Variants in SOX12 observed in about 807,000 individuals in gnomAD.
SOX12 encodes transcription factor SOX-12.
In SOX12, 8 loss-of-function variants were observed where a neutral mutation model predicts 21.5. That is an observed-to-expected ratio of 0.37 (90% confidence interval 0.22 to 0.67). The LOEUF (loss-of-function observed/expected upper bound fraction) is 0.67, where lower values mean the gene tolerates loss of function less well. Ranked by LOEUF, SOX12 falls within the 30% of genes least tolerant of loss-of-function variation. The pLI, the probability that SOX12 is intolerant of heterozygous loss-of-function variation, is 0.56. For synonymous variants in SOX12, 235 were observed against 224.2 expected (o/e 1.05, Z -0.43); for missense variants, 400 against 482.6 (o/e 0.83, Z 1.60).
chr20:326,188 G>T lies in SOX12; in HGVS notation c.264G>T (p.Pro88=). The T allele has an allele frequency of 6.3e-7, 1 of 1,592,450 alleles. No homozygotes were observed. The highest frequency in any genetic ancestry group is 2.3e-5 in the East Asian group (1 of 42,560). The part of the protein sequence containing the change: ...WQLLQDSEKI[P]FVREAERLRL... ...TGCTGCAGGACTCGGAGAAGATCCC[G>T]TTCGTGCGGGAGGCGGAGCGGCTGC... Residue 88 remains proline (P), a synonymous_variant, in exon 1 of 1, where the codon CCG becomes CCT. Coordinates refer to ENST00000342665, the MANE Select transcript of SOX12 (RefSeq NM_006943.4). This position sits in a 1 kb window ranked among gnomAD's most constrained non-coding sequence, Gnocchi z 9.9.
rs1421114016 is a variant in SOX12, at chr20:328,730, C to T, written c.*1858C>T. The T allele has an allele frequency of 6.0e-6, 1 of 167,150 alleles. No homozygotes were observed. The highest frequency in any genetic ancestry group is 1.9e-4 in the East Asian group (1 of 5,174). 10.4% of individuals were successfully genotyped at this position (167,150 alleles called of 1,614,324 possible). A position where few individuals can be genotyped will look rare whatever the true frequency, so the allele number is the denominator to read the frequency against. ...ACTGAATAAAGTGTATTTGCCCCGA[C>T]CTTGCCCTGTGGTTCTGCATGTCTG... On this transcript the variant is annotated 3_prime_UTR_variant, in exon 1 of 1. Transcript: ENST00000342665.
At position 326,053 on chromosome 20, in the gene SOX12, G is replaced by T; in HGVS notation, c.129G>T (p.Pro43=). 6.3e-7 allele frequency: 1 copy of T among 1,597,782 alleles called. No homozygotes were observed. The highest frequency in any genetic ancestry group is 1.1e-5 in the South Asian group (1 of 88,672). Residue 43 remains proline (P), a synonymous_variant, in exon 1 of 1, where the codon CCG becomes CCT. Coordinates refer to ENST00000342665, the MANE Select transcript of SOX12 (RefSeq NM_006943.4). This position sits in a 1 kb window ranked among gnomAD's most constrained non-coding sequence, Gnocchi z 9.9. ...CKTPSGHIKR[P]MNAFMVWSQH... is the part of the protein sequence containing the mutation. ...CCCCGAGCGGCCACATCAAGAGGCC[G>T]ATGAACGCATTCATGGTGTGGTCGC... is the stretch of plus-strand genomic sequence containing the variant.
chr20:326,614 G>A lies in SOX12; in HGVS notation c.690G>A (p.Glu230=), dbSNP rs1366992379. The A allele has an allele frequency of 3.5e-5, 53 of 1,535,398 alleles. No homozygotes were observed. The highest frequency in any genetic ancestry group is 4.4e-5 in the Non-Finnish European group (50 of 1,136,488). The change falls in exon 1 of 1, where the codon GAG becomes GAA. Residue 230 remains glutamate (E), a synonymous_variant. Transcript: ENST00000342665. This position sits in a 1 kb window ranked among gnomAD's most constrained non-coding sequence, Gnocchi z 9.9. Reference sequence around the variant, plus strand: ...CGGAGGACGAGGAGCCGGAGGAAGAGGAGGAGGAGGCGGCAGCGGCTGAGG... The same window carrying A: ...CGGAGGACGAGGAGCCGGAGGAAGAAGAGGAGGAGGCGGCAGCGGCTGAGG... ...TPSEDEEPEE[E]EEEAAAAEEG... is the part of the protein sequence containing the mutation.
chr20:327,018 C>G lies in SOX12; in HGVS notation c.*146C>G, dbSNP rs1279659334. On this transcript the variant is annotated 3_prime_UTR_variant, in exon 1 of 1. Transcript: ENST00000342665. ...GGACGTGCCCATCCCCCCTCAGATC[C>G]AGACATGCCCCTCCCCCGCAGACAC... 1.8e-5 allele frequency: 13 copies of G among 738,976 alleles called. No homozygotes were observed. Among genetic ancestry groups the G allele is most frequent in the Non-Finnish European group, 2.9e-5 (12 of 420,362 alleles). The allele number at this position is 738,976 out of a possible 1,614,324, so 45.8% of individuals were successfully genotyped here.
chr20:326,770 G>A lies in SOX12; in HGVS notation c.846G>A (p.Thr282=). 1.9e-6 allele frequency: 3 copies of A among 1,613,392 alleles called. No homozygotes were observed. Among genetic ancestry groups the A allele is most frequent in the Non-Finnish European group, 2.5e-6 (3 of 1,179,788 alleles). ...CGGACCTGCAGCCTCCCTCGGGCAC[G>A]TCGCACTTCGAGTTCCCGGACTACT... ...RDPDLQPPSG[T]SHFEFPDYCT... is the part of the protein sequence containing the mutation. Residue 282 remains threonine (T), a synonymous_variant, in exon 1 of 1, where the codon ACG becomes ACA. Coordinates refer to ENST00000342665, the MANE Select transcript of SOX12 (RefSeq NM_006943.4). This position sits in a 1 kb window ranked among gnomAD's most constrained non-coding sequence, Gnocchi z 9.9.
chr20:325,941 G>T lies in SOX12; in HGVS notation c.17G>T (p.Gly6Val). 7.8e-7 allele frequency: 1 copy of T among 1,279,564 alleles called. No individual in the cohort carries two copies. Among genetic ancestry groups the T allele is most frequent in the African/African-American group, 1.6e-5 (1 of 62,920 alleles). 79.3% of individuals were successfully genotyped at this position (1,279,564 alleles called of 1,614,324 possible). A position where few individuals can be genotyped will look rare whatever the true frequency, so the allele number is the denominator to read the frequency against. The part of the protein sequence containing the change: MVQQR[G>V]ARAKRDGGPP... ...CCAGGCGCGATGGTGCAGCAGCGGG[G>T]CGCGAGGGCCAAGCGGGACGGCGGG... is the stretch of plus-strand genomic sequence containing the variant. Residue 6 changes from glycine (G) to valine (V), a missense_variant, in exon 1 of 1, where the codon GGC becomes GTC. Gly to Val is a moderately radical substitution (Grantham distance 109, BLOSUM62 -3). Coordinates refer to ENST00000342665, the MANE Select transcript of SOX12 (RefSeq NM_006943.4). This position sits in a 1 kb window ranked among gnomAD's most constrained non-coding sequence, Gnocchi z 5.0.
Position 326,511 on chromosome 20 carries a change from C to T in SOX12, c.587C>T (p.Ala196Val), listed in dbSNP as rs2013094901. Reference protein sequence around the residue: ...LWRMVPAGRAARGQAERAQGP... With the variant: ...LWRMVPAGRAVRGQAERAQGP... ...AGGATGGTCCCGGCGGGACGGGCCG[C>T]TCGGGGACAAGCGGAGCGCGCCCAA... Residue 196 changes from alanine to valine, a missense_variant, in exon 1 of 1, where the codon GCT becomes GTT. By Grantham distance (64) the Ala-to-Val change is moderately conservative (BLOSUM62 0). Transcript: ENST00000342665. This position sits in a 1 kb window ranked among gnomAD's most constrained non-coding sequence, Gnocchi z 9.9. The T allele has an allele frequency of 6.9e-7, 1 of 1,447,332 alleles. No homozygotes were observed. The highest frequency in any genetic ancestry group is 1.4e-5 in the South Asian group (1 of 69,088). 89.7% of individuals were successfully genotyped at this position (1,447,332 alleles called of 1,614,324 possible).
rs1408175499 is a variant in SOX12 at position 326,608 on chromosome 20, G to A, written c.684G>A (p.Glu228=). ...SPTPSEDEEP[E]EEEEEAAAAE... The stretch of plus-strand genomic sequence containing the variant: ...CACCGTCGGAGGACGAGGAGCCGGA[G>A]GAAGAGGAGGAGGAGGCGGCAGCGG... Residue 228 remains glutamate, a synonymous_variant, in exon 1 of 1, where the codon GAG becomes GAA. Coordinates refer to ENST00000342665, the MANE Select transcript of SOX12 (RefSeq NM_006943.4). The surrounding 1 kb of genome is among the most constrained non-coding windows in gnomAD (Gnocchi z 9.9). The A allele has an allele frequency of 3.2e-6, 5 of 1,542,858 alleles. No homozygotes were observed. The African/African-American group carries it at 5.5e-5, about 17-fold the overall frequency.
rs2013115990 is a variant in SOX12 at position 327,213 on chromosome 20, G to C, written c.*341G>C. On this transcript the variant is annotated 3_prime_UTR_variant, in exon 1 of 1. Transcript: ENST00000342665. ...CACACGCCCCTCCTCGTGGCCGGAG[G>C]ACCCGCCCCCTCCTTTGCTCCGGAA... 3.3e-6 allele frequency: 1 copy of C among 302,876 alleles called. No individual in the cohort carries two copies. 18.8% of individuals were successfully genotyped at this position (302,876 alleles called of 1,614,324 possible).
At position 327,186 on chromosome 20, in the gene SOX12, T is replaced by G; in HGVS notation, c.*314T>G. 3.0e-6 allele frequency: 1 copy of G among 334,100 alleles called. No homozygotes were observed. The highest frequency in any genetic ancestry group is 5.9e-6 in the Non-Finnish European group (1 of 169,284). 20.7% of individuals were successfully genotyped at this position (334,100 alleles called of 1,614,324 possible). Reference sequence around the variant, plus strand: ...ACAGACCTGCACCCCTCCCCCCTTTTGCACACGCCCCTCCTCGTGGCCGGA... The same window carrying G: ...ACAGACCTGCACCCCTCCCCCCTTTGGCACACGCCCCTCCTCGTGGCCGGA... On this transcript the variant is annotated 3_prime_UTR_variant, in exon 1 of 1. Coordinates refer to ENST00000342665, the MANE Select transcript of SOX12 (RefSeq NM_006943.4).
rs542369081 is a variant in SOX12, at chr20:327,720, C to G, written c.*848C>G. 3.0e-5 allele frequency: 5 copies of G among 167,272 alleles called. 1 individual carries two copies. In the South Asian group the frequency reaches 8.3e-4, roughly 28 times the overall value. The allele number at this position is 167,272 out of a possible 1,614,324, so 10.4% of individuals were successfully genotyped here. A position where few individuals can be genotyped will look rare whatever the true frequency, so the allele number is the denominator to read the frequency against. The stretch of plus-strand genomic sequence containing the variant: ...CCTACCTATACGTCCCTTTTTCCCC[C>G]CAACTGGGAATTGAGAGGTAAGGTC... On this transcript the variant is annotated 3_prime_UTR_variant, in exon 1 of 1. Transcript: ENST00000342665.
Position 326,617 on chromosome 20 carries a change from G to A in SOX12, c.693G>A (p.Glu231=), listed in dbSNP as rs1022017585. The A allele has an allele frequency of 1.0e-5, 16 of 1,544,160 alleles. No individual in the cohort carries two copies. In the Admixed American group the frequency reaches 2.6e-4, roughly 25 times the overall value. The part of the protein sequence containing the change: ...PSEDEEPEEE[E]EEAAAAEEGE... ...AGGACGAGGAGCCGGAGGAAGAGGA[G>A]GAGGAGGCGGCAGCGGCTGAGGAAG... The change falls in exon 1 of 1, where the codon GAG becomes GAA. Residue 231 remains glutamate (E), a synonymous_variant. Coordinates refer to ENST00000342665, the MANE Select transcript of SOX12 (RefSeq NM_006943.4). The surrounding 1 kb of genome is among the most constrained non-coding windows in gnomAD (Gnocchi z 9.9).
Position 326,983 on chromosome 20 carries a change from G to GC in SOX12, c.*116dup. Reference sequence around the variant, plus strand: ...TGGCACCCCATCTCCCGCGCAGCCTGCCCCCTCCTGGACGTGCCCATCCCC... The same window carrying GC: ...TGGCACCCCATCTCCCGCGCAGCCTGCCCCCCTCCTGGACGTGCCCATCCCC... On this transcript the variant is annotated 3_prime_UTR_variant, in exon 1 of 1. Transcript: ENST00000342665. This position sits in a 1 kb window ranked among gnomAD's most constrained non-coding sequence, Gnocchi z 9.9. 9.9e-7 allele frequency: 1 copy of GC among 1,008,660 alleles called. No individual in the cohort carries two copies. Among genetic ancestry groups the GC allele is most frequent in the South Asian group, 1.3e-5 (1 of 77,504 alleles). The allele number at this position is 1,008,660 out of a possible 1,614,324, so 62.5% of individuals were successfully genotyped here. A position where few individuals can be genotyped will look rare whatever the true frequency, so the allele number is the denominator to read the frequency against.
chr20:326,030 C>G lies in SOX12; in HGVS notation c.106C>G (p.Pro36Ala). The G allele has an allele frequency of 6.3e-7, 1 of 1,584,556 alleles. No homozygotes were observed. The highest frequency in any genetic ancestry group is 1.7e-4 in the Middle Eastern group (1 of 6,006). ...GAREPGWCKT[P>A]SGHIKRPMNA... ...GCGCGAGCCCGGCTGGTGCAAGACC[C>G]CGAGCGGCCACATCAAGAGGCCGAT... The change falls in exon 1 of 1, where the codon CCG becomes GCG. Residue 36 changes from proline (P) to alanine (A), a missense_variant. Around this residue, in one of 4 missense-constraint regions of SOX12, gnomAD observed 92 missense variants for 162.0 expected, o/e 0.57. Transcript: ENST00000342665. The surrounding 1 kb of genome is among the most constrained non-coding windows in gnomAD (Gnocchi z 9.9).
chr20:328,404 A>G lies in SOX12; in HGVS notation c.*1532A>G, dbSNP rs1258345288. Reference sequence around the variant, plus strand: ...AACAAACGGTCCCAGAGTCCTCCGGACCCCTGCCCAGGGTCTCTGCAGGTC... The same window carrying G: ...AACAAACGGTCCCAGAGTCCTCCGGGCCCCTGCCCAGGGTCTCTGCAGGTC... On this transcript the variant is annotated 3_prime_UTR_variant, in exon 1 of 1. Transcript: ENST00000342665. The G allele has an allele frequency of 6.0e-6, 1 of 165,870 alleles. No individual in the cohort carries two copies. The highest frequency in any genetic ancestry group is 2.1e-4 in the South Asian group (1 of 4,766). 10.3% of individuals were successfully genotyped at this position (165,870 alleles called of 1,614,324 possible).
rs1220603969 is a variant in SOX12, at chr20:327,288, G to A, written c.*416G>A. The stretch of plus-strand genomic sequence containing the variant: ...CTTCTCTGGGTTAGGGGGGCGATGC[G>A]GCCGGGTGGCAACGCACGCGCCTCC... On this transcript the variant is annotated 3_prime_UTR_variant, in exon 1 of 1. Transcript: ENST00000342665. The A allele has an allele frequency of 4.9e-6, 1 of 205,122 alleles. No homozygotes were observed. 12.7% of individuals were successfully genotyped at this position (205,122 alleles called of 1,614,324 possible).
At position 329,370 on chromosome 20, in the gene SOX12, T is replaced by C. The variant is rs1600208562; in HGVS notation, c.*2498T>C. The C allele has an allele frequency of 6.0e-6, 1 of 167,062 alleles. No individual in the cohort carries two copies. The highest frequency in any genetic ancestry group is 1.5e-5 in the Non-Finnish European group (1 of 68,126). The allele number at this position is 167,062 out of a possible 1,614,324, so 10.3% of individuals were successfully genotyped here. A position where few individuals can be genotyped will look rare whatever the true frequency, so the allele number is the denominator to read the frequency against. ...CATGGTGCCCATCGTGTTACTCCAT[T>C]GTCAGAGGAGGAAACGGGGTCAGGC... On this transcript the variant is annotated 3_prime_UTR_variant, in exon 1 of 1. Transcript: ENST00000342665.
chr20:326,249 T>G lies in SOX12; in HGVS notation c.325T>G (p.Tyr109Asp). The part of the protein sequence containing the change: ...KHMADYPDYK[Y>D]RPRKKSKGAP... ...CATGGCGGATTACCCGGACTACAAG[T>G]ACCGGCCGCGCAAAAAGAGCAAGGG... is the stretch of plus-strand genomic sequence containing the variant. Residue 109 changes from tyrosine (Y) to aspartate (D), a missense_variant, in exon 1 of 1, where the codon TAC becomes GAC. By Grantham distance (160) the Tyr-to-Asp change is radical. Coordinates refer to ENST00000342665, the MANE Select transcript of SOX12 (RefSeq NM_006943.4). This position sits in a 1 kb window ranked among gnomAD's most constrained non-coding sequence, Gnocchi z 9.9. The G allele has an allele frequency of 6.4e-7, 1 of 1,552,206 alleles. No homozygotes were observed. Among genetic ancestry groups the G allele is most frequent in the Non-Finnish European group, 8.7e-7 (1 of 1,150,562 alleles).
rs574505291 is a variant in SOX12 at position 329,482 on chromosome 20, G to A, written c.*2610G>A. ...CTTCCTGGTGAAGCATGGCTTCGGG[G>A]TGCTGCCTCTCCCTCCCTGTTTGAA... is the stretch of plus-strand genomic sequence containing the variant. On this transcript the variant is annotated 3_prime_UTR_variant, in exon 1 of 1. Coordinates refer to ENST00000342665, the MANE Select transcript of SOX12 (RefSeq NM_006943.4). The A allele has an allele frequency of 1.2e-5, 2 of 167,060 alleles. No homozygotes were observed. The highest frequency in any genetic ancestry group is 2.9e-5 in the Non-Finnish European group (2 of 68,170). The allele number at this position is 167,060 out of a possible 1,614,324, so 10.3% of individuals were successfully genotyped here.
Sources: allele counts gnomAD v4.1 joint callset, GRCh38; gene constraint gnomAD v4.1.1; regional missense constraint gnomAD v4.1.1; non-coding constraint Gnocchi (gnomAD v3.1); transcripts MANE v1.5; gene names NCBI Gene and HGNC (gene_info 2026-07-23, HGNC 2026-07-21).